The following SHOC1 variants were observed in gnomAD, a reference collection of about 807,000 sequenced individuals.
SHOC1 encodes protein shortage in chiasmata 1 ortholog.
A neutral mutation model predicts 179.2 loss-of-function variants in SHOC1; 136 were observed. The ratio of observed to expected loss-of-function variants is 0.76; its 90% CI spans 0.66 to 0.87. SHOC1 has a LOEUF of 0.87. Among genes scored for constraint, SHOC1 ranks in the 40% least tolerant of loss-of-function variants. The pLI, the probability that SHOC1 is intolerant of heterozygous loss-of-function variation, is 0.00. For missense variants in SHOC1, 1,538 were observed against 1,700.8 expected, an observed-to-expected ratio of 0.90 and a Z score of 1.68; for synonymous variants, 489 against 586.6, an observed-to-expected ratio of 0.83 and a Z score of 2.41.
intron 18 of SHOC1, among the ~76,000 whole-genome samples, chr9:111,709,339 A>AAAAAC (rs953882116): frequency 9.2e-5 from 14 of 152,206 alleles, no homozygotes; most frequent in African/African-American, 3.4e-4. Flanking sequence ...TGAAACTCAA[A>AAAAAC]AAAACAAAAC....
intron 11 of SHOC1, among the ~76,000 whole-genome samples, chr9:111,738,788 A>G (rs1038140805): frequency 2.6e-5 from 4 of 152,218 alleles, no homozygotes; most frequent in Admixed American, 6.5e-5. Flanking sequence ...TCTGATATTT[A>G]GTAGAAGGAA....
intron 24 of SHOC1, among the ~76,000 whole-genome samples, chr9:111,695,408 T>C (rs1259913062): frequency 6.6e-6 from 1 of 152,170 alleles, no homozygotes; most frequent in East Asian, 1.9e-4. Flanking sequence ...CAGAAATATA[T>C]TGTTCAATTC....
At chr9:111,716,807 A>C (rs1039573383) in intron 16 of SHOC1, among the ~76,000 whole-genome samples, 1 of 152,242 alleles carries the variant, frequency 6.6e-6, no homozygotes, top group Non-Finnish European at 1.5e-5. Context: ...TAGAAAGCCC[A>C]ACATGGTGCT....
At chr9:111,698,657 C>T (rs7852780) in intron 24 of SHOC1, among the ~76,000 whole-genome samples, 57,761 of 140,290 alleles carry the variant, frequency 0.41, 12,081 homozygotes, top group East Asian at 0.61. Flanking sequence ...AAGGAGGTAG[C>T]GCGTTTGAAC....
chr9:111,723,586 G>T (rs760671957), intron 14 of SHOC1, among the ~76,000 whole-genome samples: 1 of 152,184 alleles, frequency 6.6e-6, no homozygotes, highest in Non-Finnish European at 1.5e-5. Flanking sequence ...ATAACACTGA[G>T]TCGCTTGGGT....
intron 5 of SHOC1, among the ~76,000 whole-genome samples, chr9:111,764,201 G>C (rs1835258726): frequency 6.6e-6 from 1 of 152,190 alleles, no homozygotes; most frequent in African/African-American, 2.4e-5. Context: ...AGCTGTCTCA[G>C]TTATCAGAAC....
intron 13 of SHOC1, among the ~76,000 whole-genome samples, chr9:111,725,133 G>T (rs1833238778): frequency 6.6e-6 from 1 of 151,908 alleles, no homozygotes; most frequent in Admixed American, 6.6e-5. Context: ...TATAATAATG[G>T]ACTATATTCT....
intron 8 of SHOC1, among the ~76,000 whole-genome samples, chr9:111,754,228 G>T (rs1382252969): frequency 6.6e-6 from 1 of 151,984 alleles, no homozygotes. Context: ...AGGAGGAATT[G>T]AGAAACAAAA....
chr9:111,707,931 G>GA lies in SHOC1; in HGVS notation c.2489-8dup. 6.6e-7 allele frequency: 1 copy of GA among 1,513,512 alleles called. No individual in the cohort carries two copies. The highest frequency in any genetic ancestry group is 8.9e-7 in the Non-Finnish European group (1 of 1,128,734). 93.8% of individuals were successfully genotyped at this position (1,513,512 alleles called of 1,614,324 possible). ...AGGACAGTCAGTGTTAAACCTGTTG[G>GA]AAAAAAGAATAATTTTTTTCAGTGT... is the stretch of plus-strand genomic sequence containing the variant. On this transcript the variant is annotated splice_region_variant and splice_polypyrimidine_tract_variant and intron_variant, in intron 18 of 27. Coordinates refer to ENST00000682961, the MANE Select transcript of SHOC1 (RefSeq NM_001378211.1).
chr9:111,728,807 A>T (rs1216175863), intron 12 of SHOC1, among the ~76,000 whole-genome samples: 1 of 152,190 alleles, frequency 6.6e-6, no homozygotes, highest in Non-Finnish European at 1.5e-5. Context: ...AAATGAGTCA[A>T]TTGTATGGTA....
rs755356407 is a variant in SHOC1, at chr9:111,692,005, T to C, written c.3972A>G (p.Ile1324Met). The C allele has an allele frequency of 1.2e-6, 2 of 1,613,272 alleles. No homozygotes were observed. The highest frequency in any genetic ancestry group is 1.7e-6 in the Non-Finnish European group (2 of 1,179,716). The change falls in exon 27 of 28, where the codon ATA (isoleucine) becomes ATG (methionine). Residue 1324 changes from isoleucine to methionine, a missense_variant. By Grantham distance (10) the Ile-to-Met change is conservative (BLOSUM62 1). Coordinates refer to ENST00000682961, the MANE Select transcript of SHOC1 (RefSeq NM_001378211.1). ...QKRVSVVPRF[I>M]NSQKRRTHEA... is the part of the protein sequence containing the mutation. ...CATGTGTTCTCCTTTTCTGAGAATT[T>C]ATAAAACGGGGGACAACTGACACTC...
At chr9:111,713,036 A>C in intron 18 of SHOC1, 64 bp downstream of exon 18, 3 of 1,014,770 alleles carry the variant, frequency 3.0e-6, no homozygotes, top group Non-Finnish European at 4.5e-6. Context: ...AGCTGGTTAG[A>C]TCAATACACT....
rs1833893532 is a variant in SHOC1, at chr9:111,738,290, A to T, written c.1407T>A (p.Leu469=). The T allele has an allele frequency of 6.2e-7, 1 of 1,608,596 alleles. No homozygotes were observed. The highest frequency in any genetic ancestry group is 8.5e-7 in the Non-Finnish European group (1 of 1,176,438). Residue 469 remains leucine, a synonymous_variant, in exon 12 of 28, where the codon CTT becomes CTA. Coordinates refer to ENST00000682961, the MANE Select transcript of SHOC1 (RefSeq NM_001378211.1). The part of the protein sequence containing the change: ...KIEIFLPTKV[L]QLESCLEHKS... ...CTGTGATGTACTTACATTCTAATTGAAGCACTTTCGTAGGCAAAAATATCT... is the reference window on the plus strand; with the variant it reads ...CTGTGATGTACTTACATTCTAATTGTAGCACTTTCGTAGGCAAAAATATCT...
rs1564145018 is a variant in SHOC1, at chr9:111,748,202, GA to G, written c.863-4del. 6.3e-7 allele frequency: 1 copy of G among 1,588,924 alleles called. No individual in the cohort carries two copies. Among genetic ancestry groups the G allele is most frequent in the African/African-American group, 1.3e-5 (1 of 74,418 alleles). ...AATTCCATGCTTGTTAGTAAGATCTGAAAAGGAAGAAACTCTGTTATTAGCA... is the reference window on the plus strand; with the variant it reads ...AATTCCATGCTTGTTAGTAAGATCTGAAAGGAAGAAACTCTGTTATTAGCA... On this transcript the variant is annotated splice_polypyrimidine_tract_variant and splice_region_variant and intron_variant, in intron 8 of 27. Coordinates refer to ENST00000682961, the MANE Select transcript of SHOC1 (RefSeq NM_001378211.1).
At chr9:111,705,697 C>G (rs1832241823) in intron 20 of SHOC1, among the ~76,000 whole-genome samples, 1 of 151,922 alleles carries the variant, frequency 6.6e-6, no homozygotes, top group Non-Finnish European at 1.5e-5. Flanking sequence ...CATTCTCTAC[C>G]TGAAATGTTG....
intron 24 of SHOC1, among the ~76,000 whole-genome samples, chr9:111,694,776 C>T (rs1225053306): frequency 1.1e-4 from 16 of 151,762 alleles, no homozygotes; most frequent in Admixed American, 9.8e-4. Context: ...CAAGATTTTT[C>T]AAAGACAAAG....
chr9:111,782,293 C>A (rs1037954298), intron 3 of SHOC1, among the ~76,000 whole-genome samples: 1 of 152,110 alleles, frequency 6.6e-6, no homozygotes, highest in African/African-American at 2.4e-5. Context: ...CCTTGGACTG[C>A]TACTTATTAT....
intron 5 of SHOC1, chr9:111,759,408 G>C: frequency 6.9e-7 from 1 of 1,453,300 alleles, no homozygotes; most frequent in East Asian, 2.3e-5. Flanking sequence ...GAATCTACTT[G>C]AGGAGTATGA....
intron 3 of SHOC1, among the ~76,000 whole-genome samples, chr9:111,784,950 C>A (rs1174479705): frequency 6.6e-6 from 1 of 152,138 alleles, no homozygotes; most frequent in African/African-American, 2.4e-5. Flanking sequence ...TGGGGGGACA[C>A]AAACATTCAG....
Sources: gnomAD v4.1 joint callset for allele counts (sites outside exome capture counted in the v4.1 genomes callset) on GRCh38, gnomAD v4.1.1 for gene constraint, MANE v1.5 for transcripts, NCBI Gene and HGNC (gene_info 2026-07-23, HGNC 2026-07-21) for gene names.